HMGN5: variants seen among roughly 807,000 people sequenced by gnomAD.
The protein encoded by HMGN5 is high mobility group nucleosome binding domain 5.
In HMGN5, 4 loss-of-function variants were observed where a neutral mutation model predicts 9.5. The ratio of observed to expected loss-of-function variants is 0.42; its 90% CI spans 0.21 to 0.96. HMGN5 has a LOEUF of 0.96. HMGN5 is among the 40% of genes least tolerant of loss of function. The pLI, the probability that HMGN5 is intolerant of heterozygous loss-of-function variation, is 0.30. For missense variants in HMGN5, 192 were observed against 187.5 expected, an observed-to-expected ratio of 1.02 and a Z score of -0.14; for synonymous variants, 55 against 57.1, an observed-to-expected ratio of 0.96 and a Z score of 0.16.
In HMGN5 at chrX:81,144,089, G is replaced by A. The variant is rs778523684; in HGVS notation, c.-123-22417C>T. Among the ~76,000 whole-genome samples, 13 of 111,588 alleles carry A rather than the reference G, an allele frequency of 1.2e-4. No homozygotes were observed. In the South Asian group the frequency reaches 3.5e-3, roughly 30 times the overall value. The stretch of plus-strand genomic sequence containing the variant: ...GGGCACAGCTTCAGGAGACTTAAAC[G>A]TCCCTGCATGACAGCTCTTAAAAGA... On this transcript the variant is annotated intron_variant, in intron 1 of 6. Transcript: ENST00000358130.
chrX:81,153,207 A>G (rs941647630), intron 1 of HMGN5, among the ~76,000 whole-genome samples: 1 of 108,947 alleles, frequency 9.2e-6, no homozygotes, highest in African/African-American at 3.3e-5. Flanking sequence ...TCTCTTGAAT[A>G]TTGATGCAAA....
chrX:81,129,711 T>G (rs1482263662), intron 1 of HMGN5, among the ~76,000 whole-genome samples: 1 of 111,171 alleles, frequency 9.0e-6, no homozygotes, highest in Admixed American at 9.6e-5. Flanking sequence ...GTTTCAGGAG[T>G]GAGTGGGGGA....
At chrX:81,143,546 C>T (rs1421307399) in intron 1 of HMGN5, among the ~76,000 whole-genome samples, 1 of 112,268 alleles carries the variant, frequency 8.9e-6, no homozygotes, top group Non-Finnish European at 1.9e-5. Flanking sequence ...TGGGGCATTG[C>T]CTCACCCGGG....
chrX:81,180,464 G>A (rs932775509), intron 1 of HMGN5, among the ~76,000 whole-genome samples: 2 of 112,213 alleles, frequency 1.8e-5, no homozygotes, highest in Non-Finnish European at 3.8e-5. Flanking sequence ...CATCATCACT[G>A]GCCGTCAGAG....
intron 1 of HMGN5, among the ~76,000 whole-genome samples, chrX:81,173,860 A>T (rs1007561656): frequency 6.3e-5 from 7 of 111,416 alleles, no homozygotes; most frequent in African/African-American, 2.3e-4. Flanking sequence ...ATCTTAGTGA[A>T]TCTCTTCCCA....
At chrX:81,129,739 G>A (rs2075293672) in intron 1 of HMGN5, among the ~76,000 whole-genome samples, 1 of 111,049 alleles carries the variant, frequency 9.0e-6, no homozygotes, top group African/African-American at 3.3e-5. Context: ...TTATTTTTTT[G>A]AAAATATAAG....
At chrX:81,167,371 T>C (rs2075413755) in intron 1 of HMGN5, among the ~76,000 whole-genome samples, 1 of 110,353 alleles carries the variant, frequency 9.1e-6, no homozygotes, top group Admixed American at 9.7e-5. Flanking sequence ...TCCATGACAG[T>C]GGATTTTAAA....
In HMGN5 at chrX:81,126,147, CAAAAAAAAAAAAAA is replaced by C. The variant is rs776769640; in HGVS notation, c.-123-4489_-123-4476del. 6.3e-5 allele frequency among the ~76,000 whole-genome samples: 3 copies of C among 47,745 alleles called. No homozygotes were observed. The Admixed American group carries it at 8.8e-4, about 14-fold the overall frequency. The allele number at this position is 47,745 out of a possible 115,157, so 41.5% of individuals were successfully genotyped here. A position where few individuals can be genotyped will look rare whatever the true frequency, so the allele number is the denominator to read the frequency against. On this transcript the variant is annotated intron_variant, in intron 1 of 6. Transcript: ENST00000358130. ...TGGGTGACAGAGCAAGACGCAGTCT[CAAAAAAAAAAAAAA>C]AAAAAAAAAATCAGGCAGTTTTTTT...
chrX:81,153,172 A>G (rs1240379545), intron 1 of HMGN5, among the ~76,000 whole-genome samples: 3 of 109,174 alleles, frequency 2.7e-5, no homozygotes, highest in Non-Finnish European at 5.7e-5. Flanking sequence ...AAAAAAATAA[A>G]AAAAGAAAAC....
intron 1 of HMGN5, among the ~76,000 whole-genome samples, chrX:81,171,094 T>C (rs771044747): frequency 9.0e-6 from 1 of 111,640 alleles, no homozygotes; most frequent in East Asian, 2.8e-4. Context: ...CACATCGCTA[T>C]TGAGACTCAG....
rs1407414511 is a variant in HMGN5, at chrX:81,113,816, A to T, written c.*833T>A. On this transcript the variant is annotated 3_prime_UTR_variant, in exon 7 of 7. Transcript: ENST00000358130. Reference sequence around the variant, plus strand: ...ATAAGTTGGGCGAAAATGGGAAGAGACTGCTAATTGGTGCTTTGTTTCTTA... The same window carrying T: ...ATAAGTTGGGCGAAAATGGGAAGAGTCTGCTAATTGGTGCTTTGTTTCTTA... 8.9e-6 allele frequency: 1 copy of T among 112,176 alleles called. No homozygotes were observed. Among genetic ancestry groups the T allele is most frequent in the Non-Finnish European group, 1.9e-5 (1 of 53,134 alleles). The allele number at this position is 112,176 out of a possible 1,213,427, so 9.2% of individuals were successfully genotyped here. A position where few individuals can be genotyped will look rare whatever the true frequency, so the allele number is the denominator to read the frequency against.
intron 1 of HMGN5, among the ~76,000 whole-genome samples, chrX:81,183,928 C>T (rs1185026704): frequency 3.6e-5 from 4 of 111,691 alleles, no homozygotes; most frequent in Non-Finnish European, 3.8e-5. Context: ...TTTACAGGCT[C>T]TTAGGTGGAA....
intron 1 of HMGN5, among the ~76,000 whole-genome samples, chrX:81,200,253 C>T (rs1729225403): frequency 8.9e-6 from 1 of 111,930 alleles, no homozygotes; most frequent in African/African-American, 3.3e-5. Context: ...TGCTTTTATA[C>T]TGTTGGTGGG....
At chrX:81,194,513 G>A (rs902298077) in intron 1 of HMGN5, among the ~76,000 whole-genome samples, 1 of 111,758 alleles carries the variant, frequency 8.9e-6, no homozygotes, top group Non-Finnish European at 1.9e-5. Flanking sequence ...CAACTTCTTA[G>A]TAATCAGTGA....
chrX:81,133,692 A>T (rs1172263041), intron 1 of HMGN5, among the ~76,000 whole-genome samples: 3 of 110,776 alleles, frequency 2.7e-5, no homozygotes, highest in East Asian at 5.7e-4. Flanking sequence ...GGAACAACAC[A>T]CACTGGGACC....
chrX:81,148,939 T>C (rs1345989121), intron 1 of HMGN5, among the ~76,000 whole-genome samples: 1 of 111,815 alleles, frequency 8.9e-6, no homozygotes, highest in Non-Finnish European at 1.9e-5. Context: ...TACCATTTCA[T>C]GCCAGTTAGA....
chrX:81,140,724 A>G (rs1004214987), intron 1 of HMGN5, among the ~76,000 whole-genome samples: 7 of 111,325 alleles, frequency 6.3e-5, no homozygotes, highest in African/African-American at 1.3e-4. Flanking sequence ...GAGATTCAGC[A>G]TATGACCAGC....
In HMGN5 at chrX:81,114,852, C is replaced by A; in HGVS notation, c.646G>T (p.Glu216Ter). The A allele has an allele frequency of 8.6e-7, 1 of 1,162,022 alleles. No homozygotes were observed. The highest frequency in any genetic ancestry group is 1.1e-6 in the Non-Finnish European group (1 of 871,463). The change falls in exon 7 of 7, where the codon GAG becomes TAG. Residue 216 changes from glutamate to a stop codon, truncating the protein, a stop_gained. Transcript: ENST00000358130. LOFTEE classifies it low-confidence loss of function (END_TRUNC). ...TTCCCCTCTTTTTTATCTCCCTTCT[C>A]TTTTCCATCTTCATTCTCTTTTCCA... ...GDGKENEDGK[E>*]KGDKKEGKDV...
chrX:81,132,246 A>G (rs1247694071), intron 1 of HMGN5, among the ~76,000 whole-genome samples: 1 of 111,803 alleles, frequency 8.9e-6, no homozygotes, highest in Admixed American at 9.5e-5. Flanking sequence ...CCCCATGATC[A>G]TGGAAAGGAA....
Sources: allele counts gnomAD v4.1 joint callset (sites outside exome capture counted in the v4.1 genomes callset), GRCh38; gene constraint gnomAD v4.1.1; transcripts MANE v1.5; gene names NCBI Gene and HGNC (gene_info 2026-07-23, HGNC 2026-07-21).